The following CTNND2 variants were observed in gnomAD, a reference collection of about 807,000 sequenced individuals.
The protein encoded by CTNND2 is catenin delta 2.
In CTNND2, 22 loss-of-function variants were observed where a neutral mutation model predicts 144.4. That is an observed-to-expected ratio of 0.15 (90% CI 0.11 to 0.22). CTNND2 has a LOEUF of 0.22. CTNND2 is among the 10% of genes least tolerant of loss of function. The pLI, the probability that CTNND2 is intolerant of heterozygous loss-of-function variation, is 1.00. For missense variants in CTNND2, 1,353 were observed against 1,618.8 expected (o/e 0.84, Z 2.82); for synonymous variants, 751 against 695.6 (o/e 1.08, Z -1.25).
chr5:11,879,356 T>TATATATAC (rs904010417), intron 1 of CTNND2, among the ~76,000 whole-genome samples: 10 of 141,364 alleles, frequency 7.1e-5, no homozygotes, highest in South Asian at 2.3e-4. Flanking sequence ...TATATATATA[T>TATATATAC]ACATATACAC....
At chr5:11,551,367 G>T (rs993340198) in intron 3 of CTNND2, among the ~76,000 whole-genome samples, 5 of 139,812 alleles carry the variant, frequency 3.6e-5, no homozygotes, top group East Asian at 2.1e-4. Context: ...CCACTTACTG[G>T]TTTTTTTTTT....
At chr5:11,145,816 T>G (rs184790161) in intron 12 of CTNND2, among the ~76,000 whole-genome samples, 98 of 152,210 alleles carry the variant, frequency 6.4e-4, no homozygotes, top group Middle Eastern at 3.4e-3. Context: ...GTCTTAACAA[T>G]CAGCTCCCAA....
intron 1 of CTNND2, among the ~76,000 whole-genome samples, chr5:11,803,314 G>A (rs981671007): frequency 2.4e-4 from 23 of 95,160 alleles, no homozygotes; most frequent in Admixed American, 1.3e-3. Flanking sequence ...GCGAGACTGC[G>A]TCTCAAAAAA....
chr5:11,150,632 T>TC, intron 12 of CTNND2, among the ~76,000 whole-genome samples: 1 of 144,186 alleles, frequency 6.9e-6, no homozygotes, highest in Middle Eastern at 3.5e-3. Flanking sequence ...TTTTTTTTTT[T>TC]TTTTTTTTTT....
At chr5:11,752,423 T>G (rs1411889935) in intron 1 of CTNND2, among the ~76,000 whole-genome samples, 2 of 151,938 alleles carry the variant, frequency 1.3e-5, no homozygotes, top group Admixed American at 1.3e-4. Flanking sequence ...CTAGCAGCAT[T>G]TATTGAATAG....
intron 16 of CTNND2, among the ~76,000 whole-genome samples, chr5:11,054,686 G>A (rs1038453745): frequency 1.3e-5 from 2 of 152,038 alleles, no homozygotes; most frequent in African/African-American, 4.8e-5. Flanking sequence ...CATTTTCTCT[G>A]CGAAAGTTGA....
chr5:11,170,813 T>C (rs145306875), intron 11 of CTNND2, among the ~76,000 whole-genome samples: 194 of 152,282 alleles, frequency 1.3e-3, no homozygotes, highest in African/African-American at 4.2e-3. Context: ...GAAACAGAGA[T>C]TTAATGGACT....
chr5:11,733,382 G>C (rs1049411185), intron 1 of CTNND2, among the ~76,000 whole-genome samples: 5 of 152,150 alleles, frequency 3.3e-5, no homozygotes, highest in Non-Finnish European at 2.9e-5. Flanking sequence ...ACCCAACTGT[G>C]TCTGTTGCTT....
intron 1 of CTNND2, among the ~76,000 whole-genome samples, chr5:11,858,131 T>C (rs1455583418): frequency 6.6e-6 from 1 of 152,224 alleles, no homozygotes; most frequent in Non-Finnish European, 1.5e-5. Flanking sequence ...GGATTGCTTG[T>C]GCTTATTTTT....
At chr5:11,768,348 G>T (rs929458164) in intron 1 of CTNND2, among the ~76,000 whole-genome samples, 1 of 152,054 alleles carries the variant, frequency 6.6e-6, no homozygotes, top group Non-Finnish European at 1.5e-5. Flanking sequence ...GGAGTGCAGT[G>T]GTGCCATCTC....
At chr5:11,806,693 T>G (rs1792019539) in intron 1 of CTNND2, among the ~76,000 whole-genome samples, 1 of 152,170 alleles carries the variant, frequency 6.6e-6, no homozygotes, top group Non-Finnish European at 1.5e-5. Context: ...GTAACAGCAC[T>G]TATGTGCACA....
Position 11,140,218 on chromosome 5 carries a change from T to C in CTNND2, c.2159+19358A>G, listed in dbSNP as rs201592385. Among the ~76,000 whole-genome samples, 309 of 152,290 alleles carry C rather than the reference T, an allele frequency of 2.0e-3. 2 individuals are homozygous for C. Among genetic ancestry groups the C allele is most frequent in the African/African-American group, 6.4e-3 (265 of 41,574 alleles). ...ACTATTTTTTCATTACAGTTGGGCA[T>C]ACATTGGTACCCAAAGAAAACATGA... is the stretch of plus-strand genomic sequence containing the variant. On this transcript the variant is annotated intron_variant, in intron 12 of 21. Coordinates refer to ENST00000304623, the MANE Select transcript of CTNND2 (RefSeq NM_001332.4).
At chr5:11,386,282 T>C (rs570934100) in intron 6 of CTNND2, among the ~76,000 whole-genome samples, 1 of 151,624 alleles carries the variant, frequency 6.6e-6, no homozygotes, top group Non-Finnish European at 1.5e-5. Flanking sequence ...GGAGAGAAGC[T>C]GGGAAGGAGG....
intron 6 of CTNND2, among the ~76,000 whole-genome samples, chr5:11,388,211 C>T (rs1335078288): frequency 6.6e-6 from 1 of 152,172 alleles, no homozygotes; most frequent in Non-Finnish European, 1.5e-5. Context: ...CTAAAATGCA[C>T]TTCCAAAAAA....
At chr5:10,974,271 C>T (rs537008590) in intron 21 of CTNND2, among the ~76,000 whole-genome samples, 1 of 152,292 alleles carries the variant, frequency 6.6e-6, no homozygotes, top group African/African-American at 2.4e-5. Flanking sequence ...GACCTTGATC[C>T]GTTTTTGTGG....
intron 3 of CTNND2, among the ~76,000 whole-genome samples, chr5:11,486,351 G>A (rs1041625031): frequency 3.9e-5 from 6 of 152,180 alleles, no homozygotes; most frequent in African/African-American, 1.2e-4. Flanking sequence ...ATAATATCCA[G>A]TAGATCGCAC....
Position 11,650,128 on chromosome 5 carries a change from T to C in CTNND2, c.174+82008A>G, listed in dbSNP as rs556389062. Among the ~76,000 whole-genome samples the C allele has an allele frequency of 2.8e-4, 42 of 152,226 alleles. No homozygotes were observed. The South Asian group carries it at 8.1e-3, about 29-fold the overall frequency. On this transcript the variant is annotated intron_variant, in intron 2 of 21. Coordinates refer to ENST00000304623, the MANE Select transcript of CTNND2 (RefSeq NM_001332.4). Reference sequence around the variant, plus strand: ...GGAGGAGGGGCCTGGTGGAACATGATTGGATCGTGGGGGTGATTTCCCCCT... The same window carrying C: ...GGAGGAGGGGCCTGGTGGAACATGACTGGATCGTGGGGGTGATTTCCCCCT...
chr5:11,772,699 T>C (rs1308256653), intron 1 of CTNND2, among the ~76,000 whole-genome samples: 1 of 152,154 alleles, frequency 6.6e-6, no homozygotes, highest in Non-Finnish European at 1.5e-5. Flanking sequence ...AAGTTTTTGA[T>C]CCAATTGAAT....
rs1373510184 is a variant in CTNND2, at chr5:10,981,854, CA to C, written c.3344-9del. 1 of 1,611,222 alleles carries C rather than the reference CA, an allele frequency of 6.2e-7. No homozygotes were observed. Among genetic ancestry groups the C allele is most frequent in the South Asian group, 1.1e-5 (1 of 90,516 alleles). ...AAATTCCAGTGTTTTGAGCTAAAAG[CA>C]AAAGGAAAACAAAAGTTTAGCAAAG... On this transcript the variant is annotated splice_polypyrimidine_tract_variant and intron_variant, in intron 20 of 21. Transcript: ENST00000304623.
Sources: gnomAD v4.1 joint callset for allele counts (sites outside exome capture counted in the v4.1 genomes callset) on GRCh38, gnomAD v4.1.1 for gene constraint, MANE v1.5 for transcripts, NCBI Gene and HGNC (gene_info 2026-07-23, HGNC 2026-07-21) for gene names.